Variants in CCDC80 observed in about 807,000 individuals in gnomAD.
CCDC80 encodes the protein coiled-coil domain containing 80.
In CCDC80, 49 loss-of-function variants were observed where a neutral mutation model predicts 78.7. The observed-to-expected ratio is 0.62, with a 90% confidence interval of 0.50 to 0.79. The LOEUF (loss-of-function observed/expected upper bound fraction) is 0.79. CCDC80 is among the 30% of genes least tolerant of loss of function. The pLI, the probability that CCDC80 is intolerant of heterozygous loss-of-function variation, is 0.00. For missense variants in CCDC80, 1,205 were observed against 1,198.6 expected (o/e 1.01, Z -0.08); for synonymous variants, 488 against 447.0 (o/e 1.09, Z -1.16).
At chr3:112,636,772 G>A (rs1936216434) in intron 2 of CCDC80, among the ~76,000 whole-genome samples, 1 of 152,176 alleles carries the variant, frequency 6.6e-6, no homozygotes, top group Non-Finnish European at 1.5e-5. Flanking sequence ...AAGAGGATGG[G>A]TGCTGCCCTC....
At chr3:112,622,822 ATTTTTTTTTTTT>A (rs373170477) in intron 3 of CCDC80, among the ~76,000 whole-genome samples, 3,872 of 118,928 alleles carry the variant, frequency 0.033, 192 homozygotes, top group African/African-American at 0.12. Context: ...TGCCCAGCTA[ATTTTTTTTTTTT>A]TTTTTTTTTT....
chr3:112,621,558 C>T (rs1478176201), intron 3 of CCDC80, among the ~76,000 whole-genome samples: 2 of 152,208 alleles, frequency 1.3e-5, no homozygotes, highest in Non-Finnish European at 2.9e-5. Context: ...GGTTTGTGGT[C>T]TTTGTTACCT....
Position 112,597,483 on chromosome 3 carries a change from T to A in CCDC80, c.*7934A>T, listed in dbSNP as rs1335111967. The A allele has an allele frequency of 6.6e-6, 1 of 152,176 alleles. No homozygotes were observed. The highest frequency in any genetic ancestry group is 1.9e-4 in the East Asian group (1 of 5,196). 9.4% of individuals were successfully genotyped at this position (152,176 alleles called of 1,614,324 possible). A position where few individuals can be genotyped will look rare whatever the true frequency, so the allele number is the denominator to read the frequency against. On this transcript the variant is annotated 3_prime_UTR_variant, in exon 8 of 8. Coordinates refer to ENST00000206423, the MANE Select transcript of CCDC80 (RefSeq NM_199511.3). ...GTCTAGGTATATTCTCTAGTTTCAA[T>A]CTTGGTGAAATTTTTTTCTATGAAT...
At position 112,635,925 on chromosome 3, in the gene CCDC80, T is replaced by G. The variant is rs1461858257; in HGVS notation, c.1878+2103A>C. On this transcript the variant is annotated intron_variant, in intron 2 of 7. Coordinates refer to ENST00000206423, the MANE Select transcript of CCDC80 (RefSeq NM_199511.3). ...GGGAGTGGGGAGAAGGAGGGAGAAA[T>G]GAAAAGTATGACTAATATCAGGGAT... is the stretch of plus-strand genomic sequence containing the variant. Among the ~76,000 whole-genome samples the G allele has an allele frequency of 2.0e-5, 3 of 152,118 alleles. No homozygotes were observed. The East Asian group carries it at 5.8e-4, about 29-fold the overall frequency.
At chr3:112,613,061 A>G (rs1935664383) in intron 5 of CCDC80, among the ~76,000 whole-genome samples, 1 of 152,102 alleles carries the variant, frequency 6.6e-6, no homozygotes, top group African/African-American at 2.4e-5. Flanking sequence ...TACCTTTAGT[A>G]TTGAATGTAC....
chr3:112,639,205 C>A lies in CCDC80; in HGVS notation c.701G>T (p.Gly234Val). ...SFLKLEKGKF[G>V]MVLLKKTLQV... is the part of the protein sequence containing the mutation. ...CAGCGTCTTCTTCAGCAGCACCATG[C>A]CAAACTTGCCCTTCTCCAGCTTCAG... Residue 234 changes from glycine (G) to valine (V), a missense_variant, in exon 2 of 8, where the codon GGC becomes GTC. Coordinates refer to ENST00000206423, the MANE Select transcript of CCDC80 (RefSeq NM_199511.3). 6.2e-7 allele frequency: 1 copy of A among 1,614,152 alleles called. No individual in the cohort carries two copies. Among genetic ancestry groups the A allele is most frequent in the Non-Finnish European group, 8.5e-7 (1 of 1,180,024 alleles).
At chr3:112,617,010 C>A (rs1021911443) in intron 4 of CCDC80, 152 bp from the exon 5 acceptor site, 9 of 732,454 alleles carry the variant, frequency 1.2e-5, no homozygotes, top group African/African-American at 1.8e-5. Context: ...TGCTCTCCTG[C>A]AATAGTACCC....
chr3:112,637,974 G>T, intron 2 of CCDC80, 54 bp downstream of exon 2: 1 of 1,543,832 alleles, frequency 6.5e-7, no homozygotes, highest in Non-Finnish European at 8.7e-7. Flanking sequence ...CAAGACAGAC[G>T]TTAACATGCC....
At position 112,600,157 on chromosome 3, in the gene CCDC80, T is replaced by C. The variant is rs1576774716; in HGVS notation, c.*5260A>G. 1 of 152,202 alleles carries C rather than the reference T, an allele frequency of 6.6e-6. No individual in the cohort carries two copies. The highest frequency in any genetic ancestry group is 2.1e-4 in the South Asian group (1 of 4,826). 9.4% of individuals were successfully genotyped at this position (152,202 alleles called of 1,614,324 possible). On this transcript the variant is annotated 3_prime_UTR_variant, in exon 8 of 8. Transcript: ENST00000206423. ...GCTAATCCTCACAGTTTCAGAGATA[T>C]GCCTTGTATTTTTCCAGATTATAGG...
At chr3:112,625,793 A>G (rs971501178) in intron 3 of CCDC80, among the ~76,000 whole-genome samples, 12 of 152,212 alleles carry the variant, frequency 7.9e-5, no homozygotes, top group Non-Finnish European at 1.5e-5. Flanking sequence ...TAAAGGGGTC[A>G]GGAAGGATAC....
intron 2 of CCDC80, among the ~76,000 whole-genome samples, chr3:112,634,404 C>A (rs575244901): frequency 3.9e-5 from 6 of 152,046 alleles, no homozygotes; most frequent in Admixed American, 3.3e-4. Flanking sequence ...GATCTCAGAG[C>A]GCAGAATGAT....
chr3:112,608,080 G>T (rs952594190), intron 6 of CCDC80, among the ~76,000 whole-genome samples: 1 of 152,224 alleles, frequency 6.6e-6, no homozygotes, highest in South Asian at 2.1e-4. Context: ...CAGGAGGGAA[G>T]GTCATGCCTT....
At chr3:112,635,084 A>T (rs1386480574) in intron 2 of CCDC80, among the ~76,000 whole-genome samples, 1 of 152,188 alleles carries the variant, frequency 6.6e-6, no homozygotes, top group South Asian at 2.1e-4. Flanking sequence ...ACCTGGCTCC[A>T]CCTGCAGCTC....
chr3:112,614,513 C>A (rs1025577950), intron 5 of CCDC80, among the ~76,000 whole-genome samples: 2 of 151,840 alleles, frequency 1.3e-5, no homozygotes, highest in African/African-American at 4.8e-5. Flanking sequence ...TTAATACCCC[C>A]GAGACCAGAC....
intron 2 of CCDC80, among the ~76,000 whole-genome samples, chr3:112,632,766 C>T (rs1936122809): frequency 6.6e-6 from 1 of 152,154 alleles, no homozygotes; most frequent in South Asian, 2.1e-4. Flanking sequence ...ACCCTTTGCC[C>T]AAGAATGCCT....
intron 2 of CCDC80, among the ~76,000 whole-genome samples, chr3:112,632,808 A>G (rs1332733298): frequency 6.6e-6 from 1 of 152,188 alleles, no homozygotes. Flanking sequence ...TTCGTTTTGC[A>G]GGACTCATTC....
chr3:112,638,200 A>G lies in CCDC80; in HGVS notation c.1706T>C (p.Met569Thr), dbSNP rs1326511749. 1.2e-6 allele frequency: 2 copies of G among 1,612,026 alleles called. No homozygotes were observed. Among genetic ancestry groups the G allele is most frequent in the African/African-American group, 1.3e-5 (1 of 74,486 alleles). Residue 569 changes from methionine (M) to threonine (T), a missense_variant, in exon 2 of 8, where the codon ATG becomes ACG. Met to Thr is a moderately conservative substitution (Grantham distance 81, BLOSUM62 -1). Coordinates refer to ENST00000206423, the MANE Select transcript of CCDC80 (RefSeq NM_199511.3). ...CTTGCTCTTTTTCTCAGACTTCTTC[A>G]TTTGCTTTTCACTCTTAAGTAACTT... ...ADKLLKSEKQMKKSEKKSKQE... is the reference protein window; with the variant it reads ...ADKLLKSEKQTKKSEKKSKQE...
rs1476161142 is a variant in CCDC80 at position 112,605,426 on chromosome 3, G to A, written c.2844C>T (p.Tyr948=). Residue 948 remains tyrosine (Y), a synonymous_variant, in exon 8 of 8, where the codon TAC becomes TAT. Coordinates refer to ENST00000206423, the MANE Select transcript of CCDC80 (RefSeq NM_199511.3). The part of the protein sequence containing the change: ...YRHHESYHHG[Y]PY ...GGTTACATATTTCTGCTCAGTAAGG[G>A]TATCCATGGTGATAACTCTCATGAT... 4 of 1,611,300 alleles carry A rather than the reference G, an allele frequency of 2.5e-6. No individual in the cohort carries two copies. The Admixed American group carries it at 5.0e-5, about 20-fold the overall frequency.
intron 7 of CCDC80, 104 bp from the exon 8 acceptor site, chr3:112,605,867 A>C (rs1935476489): frequency 1.1e-6 from 1 of 912,560 alleles, no homozygotes; most frequent in African/African-American, 1.7e-5. Context: ...AGGACCCATG[A>C]GCCTCTTCTC....
Sources: allele counts gnomAD v4.1 joint callset (sites outside exome capture counted in the v4.1 genomes callset), GRCh38; gene constraint gnomAD v4.1.1; transcripts MANE v1.5; gene names NCBI Gene and HGNC (gene_info 2026-07-23, HGNC 2026-07-21).